Variants in GRAP2 observed in about 807,000 individuals in gnomAD.
GRAP2 encodes the protein GRB2-related adapter protein 2.
A neutral mutation model predicts 43.5 loss-of-function variants in GRAP2; 31 were observed. That is an observed-to-expected ratio of 0.71 (90% confidence interval 0.54 to 0.96). The LOEUF (loss-of-function observed/expected upper bound fraction) is 0.96, where lower values mean the gene tolerates loss of function less well. Ranked by LOEUF, GRAP2 falls within the 40% of genes least tolerant of loss-of-function variation. The pLI, the probability that GRAP2 is intolerant of heterozygous loss-of-function variation, is 0.00. For missense variants in GRAP2, 371 were observed against 424.4 expected, an observed-to-expected ratio of 0.87 and a Z score of 1.11; for synonymous variants, 156 against 164.8, an observed-to-expected ratio of 0.95 and a Z score of 0.41.
intron 3 of GRAP2, among the ~76,000 whole-genome samples, chr22:39,959,556 C>T (rs2067093924): frequency 6.6e-6 from 1 of 152,166 alleles, no homozygotes; most frequent in African/African-American, 2.4e-5. Flanking sequence ...TGTAACTTTC[C>T]TTTAATACCC....
At chr22:39,942,269 A>G (rs1220633598) in intron 1 of GRAP2, among the ~76,000 whole-genome samples, 1 of 152,112 alleles carries the variant, frequency 6.6e-6, no homozygotes, top group Non-Finnish European at 1.5e-5. Context: ...TGTCAATTCG[A>G]CTGGGGGAGG....
intron 1 of GRAP2, among the ~76,000 whole-genome samples, chr22:39,911,062 C>A (rs1265075472): frequency 6.6e-6 from 1 of 152,096 alleles, no homozygotes; most frequent in Non-Finnish European, 1.5e-5. Flanking sequence ...TTCCTCCTTG[C>A]GGTGAGGATA....
intron 1 of GRAP2, among the ~76,000 whole-genome samples, chr22:39,940,180 C>G (rs569383122): frequency 9.7e-4 from 148 of 152,258 alleles, no homozygotes; most frequent in African/African-American, 3.5e-3. Flanking sequence ...AGAGCAGGCA[C>G]AGTAAAGGAA....
intron 1 of GRAP2, among the ~76,000 whole-genome samples, chr22:39,935,553 T>G (rs547743289): frequency 6.6e-6 from 1 of 152,338 alleles, no homozygotes; most frequent in Non-Finnish European, 1.5e-5. Context: ...TGAAAGGAAT[T>G]TGCCATATTA....
At chr22:39,920,113 T>C (rs2066636256) in intron 1 of GRAP2, among the ~76,000 whole-genome samples, 1 of 152,152 alleles carries the variant, frequency 6.6e-6, no homozygotes, top group Admixed American at 6.5e-5. Context: ...TGCCCTAAGA[T>C]AGTAAATATC....
At chr22:39,934,754 C>T (rs1043551664) in intron 1 of GRAP2, among the ~76,000 whole-genome samples, 9 of 152,020 alleles carry the variant, frequency 5.9e-5, no homozygotes, top group Non-Finnish European at 1.0e-4. Flanking sequence ...GATTGTAGCC[C>T]CAGCTACTCG....
At chr22:39,966,863 A>G (rs2067179997) in intron 5 of GRAP2, among the ~76,000 whole-genome samples, 1 of 152,200 alleles carries the variant, frequency 6.6e-6, no homozygotes, top group South Asian at 2.1e-4. Flanking sequence ...AGAGAGCAAT[A>G]AAACCTCCCT....
intron 1 of GRAP2, among the ~76,000 whole-genome samples, chr22:39,918,474 A>C (rs182937715): frequency 2.7e-4 from 41 of 152,216 alleles, no homozygotes; most frequent in African/African-American, 9.7e-4. Context: ...GTGTTTCGAC[A>C]CTGAGTTGTG....
intron 1 of GRAP2, among the ~76,000 whole-genome samples, chr22:39,921,592 CATT>C (rs1309079527): frequency 6.6e-6 from 1 of 152,110 alleles, no homozygotes; most frequent in Non-Finnish European, 1.5e-5. Flanking sequence ...TATTAAAAAC[CATT>C]ATTAAGTCTC....
chr22:39,946,458 A>T (rs2066923429), intron 1 of GRAP2, among the ~76,000 whole-genome samples: 1 of 152,234 alleles, frequency 6.6e-6, no homozygotes, highest in Admixed American at 6.5e-5. Flanking sequence ...AAATGTTAAA[A>T]TCAAAATTCC....
intron 1 of GRAP2, among the ~76,000 whole-genome samples, chr22:39,919,094 T>C (rs2066628081): frequency 6.6e-6 from 1 of 152,106 alleles, no homozygotes; most frequent in South Asian, 2.1e-4. Context: ...GCCAGGGTTG[T>C]ACCACGGCAC....
At position 39,971,150 on chromosome 22, in the gene GRAP2, C is replaced by A. The variant is rs537029404; in HGVS notation, c.*66C>A. 1.1e-4 allele frequency: 143 copies of A among 1,266,580 alleles called. No homozygotes were observed. In the African/African-American group the frequency reaches 2.0e-3, roughly 18 times the overall value. 78.5% of individuals were successfully genotyped at this position (1,266,580 alleles called of 1,614,324 possible). A position where few individuals can be genotyped will look rare whatever the true frequency, so the allele number is the denominator to read the frequency against. On this transcript the variant is annotated 3_prime_UTR_variant, in exon 8 of 8. Coordinates refer to ENST00000344138, the MANE Select transcript of GRAP2 (RefSeq NM_004810.4). ...CAAGAAAGAGGGCAAGGAAAAAAGG[C>A]TGGACTCCATGACTATATATACATA...
chr22:39,947,331 A>G (rs777492643), intron 2 of GRAP2, 147 bp downstream of exon 2: 5 of 645,124 alleles, frequency 7.8e-6, no homozygotes, highest in African/African-American at 1.8e-5. Context: ...CCCTTATACC[A>G]GACACCAACC....
At chr22:39,944,597 G>GTCGT (rs1175881709) in intron 1 of GRAP2, among the ~76,000 whole-genome samples, 1 of 152,190 alleles carries the variant, frequency 6.6e-6, no homozygotes, top group Non-Finnish European at 1.5e-5. Flanking sequence ...ACATGGCTGT[G>GTCGT]TCGTTGGCTT....
In GRAP2 at chr22:39,936,533, G is replaced by A. The variant is rs561866701; in HGVS notation, c.-14-10560G>A. Reference sequence around the variant, plus strand: ...CAGAGAATTAAAAGTGGAAGTATGCGAGATACACTTTCTCTAACTGGATTC... The same window carrying A: ...CAGAGAATTAAAAGTGGAAGTATGCAAGATACACTTTCTCTAACTGGATTC... On this transcript the variant is annotated intron_variant, in intron 1 of 7. Coordinates refer to ENST00000344138, the MANE Select transcript of GRAP2 (RefSeq NM_004810.4). Among the ~76,000 whole-genome samples the A allele has an allele frequency of 7.0e-4, 106 of 152,246 alleles. 1 individual carries two copies. Among genetic ancestry groups the A allele is most frequent in the African/African-American group, 2.4e-3 (98 of 41,542 alleles).
intron 7 of GRAP2, 55 bp downstream of exon 7, chr22:39,969,588 C>A: frequency 1.3e-6 from 2 of 1,589,050 alleles, no homozygotes; most frequent in South Asian, 1.1e-5. Flanking sequence ...GGACAGAGGT[C>A]AATGGAGGAG....
At chr22:39,958,726 C>T (rs528395986) in intron 3 of GRAP2, among the ~76,000 whole-genome samples, 9 of 152,314 alleles carry the variant, frequency 5.9e-5, no homozygotes, top group Non-Finnish European at 1.3e-4. Context: ...GTTTCCTTTG[C>T]GATATGGCTG....
At chr22:39,930,997 C>T (rs944699734) in intron 1 of GRAP2, among the ~76,000 whole-genome samples, 1 of 152,324 alleles carries the variant, frequency 6.6e-6, no homozygotes, top group South Asian at 2.1e-4. Context: ...TCCTGAACCA[C>T]TTGAGGTGTG....
At chr22:39,922,377 G>C (rs554523055) in intron 1 of GRAP2, among the ~76,000 whole-genome samples, 1 of 152,300 alleles carries the variant, frequency 6.6e-6, no homozygotes, top group South Asian at 2.1e-4. Context: ...AAGGAGAATA[G>C]TCCAAGAAGA....
Sources: gnomAD v4.1 joint callset for allele counts (sites outside exome capture counted in the v4.1 genomes callset) on GRCh38, gnomAD v4.1.1 for gene constraint, MANE v1.5 for transcripts, NCBI Gene and HGNC (gene_info 2026-07-23, HGNC 2026-07-21) for gene names.